Variants in STXBP6 observed in about 807,000 individuals in gnomAD.
The protein encoded by STXBP6 is syntaxin binding protein 6, also known as syntaxin-binding protein 6.
STXBP6 carries 21 observed loss-of-function variants against 26.9 expected under a neutral mutation model. The ratio of observed to expected loss-of-function variants is 0.78; its 90% CI spans 0.55 to 1.12. STXBP6 has a LOEUF of 1.12. Among genes scored for constraint, STXBP6 ranks in the 50% most tolerant of loss-of-function variants. The probability of loss-of-function intolerance (pLI) is 0.00; values close to 1 mark genes in which losing one functional copy is unlikely to be tolerated. For synonymous variants in STXBP6, 97 were observed against 92.6 expected (o/e 1.05, Z -0.27); for missense variants, 232 against 257.9 (o/e 0.90, Z 0.69).
intron 1 of STXBP6, among the ~76,000 whole-genome samples, chr14:25,016,459 T>C (rs2075150046): frequency 6.6e-6 from 1 of 152,204 alleles, no homozygotes. Context: ...AGAGTGAGTA[T>C]TTCCTGGCCT....
At chr14:24,936,628 G>A (rs189947138) in intron 2 of STXBP6, among the ~76,000 whole-genome samples, 290 of 152,264 alleles carry the variant, frequency 1.9e-3, no homozygotes, top group Non-Finnish European at 1.7e-3. Context: ...AGAGACCCAT[G>A]AGGAATTGCC....
At chr14:24,911,127 C>T (rs2139721842) in intron 2 of STXBP6, among the ~76,000 whole-genome samples, 1 of 152,146 alleles carries the variant, frequency 6.6e-6, no homozygotes, top group South Asian at 2.1e-4. Context: ...GACTTTGAGA[C>T]CAACCTGGGC....
rs751316069 is a variant in STXBP6, at chr14:24,909,049, CTG to C, written c.155-51894_155-51893del. On this transcript the variant is annotated intron_variant, in intron 2 of 5. Transcript: ENST00000323944. ...AATACATCAAACCATATTTACATTT[CTG>C]TGTTATCTTTAGGGATAAGCAGGAA... 2.0e-5 allele frequency among the ~76,000 whole-genome samples: 3 copies of C among 152,228 alleles called. No individual in the cohort carries two copies. The South Asian group carries it at 6.2e-4, about 32-fold the overall frequency.
At chr14:24,889,644 T>C (rs2139515633) in intron 2 of STXBP6, among the ~76,000 whole-genome samples, 1 of 152,130 alleles carries the variant, frequency 6.6e-6, no homozygotes, top group East Asian at 1.9e-4. Flanking sequence ...TATGTGTGTG[T>C]ATGAATTTGT....
intron 2 of STXBP6, chr14:24,878,800 A>G (rs1434444909): frequency 4.4e-6 from 2 of 453,180 alleles, no homozygotes; most frequent in Non-Finnish European, 8.9e-6. Flanking sequence ...TCTCCTTTGA[A>G]GCTGACTTGA....
intron 2 of STXBP6, among the ~76,000 whole-genome samples, chr14:24,939,788 T>C (rs370264331): frequency 2.6e-5 from 4 of 152,348 alleles, no homozygotes; most frequent in East Asian, 1.9e-4. Flanking sequence ...ATTGAGTTAT[T>C]TTACATTTTT....
chr14:24,931,061 A>G (rs1439218063), intron 2 of STXBP6, among the ~76,000 whole-genome samples: 1 of 128,024 alleles, frequency 7.8e-6, no homozygotes, highest in East Asian at 2.6e-4. Context: ...CAGTGAGCCG[A>G]GATTGCGCCA....
chr14:24,865,704 C>A (rs1398324633), intron 2 of STXBP6, among the ~76,000 whole-genome samples: 1 of 152,144 alleles, frequency 6.6e-6, no homozygotes, highest in Non-Finnish European at 1.5e-5. Flanking sequence ...GATAAAAGTC[C>A]TGCTTCATTA....
intron 1 of STXBP6, among the ~76,000 whole-genome samples, chr14:25,044,589 A>AT (rs1436484493): frequency 6.6e-6 from 1 of 152,156 alleles, no homozygotes; most frequent in African/African-American, 2.4e-5. Context: ...CTCATCTGCT[A>AT]TTTCAACGAA....
At chr14:25,009,456 C>T (rs1008360069) in intron 1 of STXBP6, among the ~76,000 whole-genome samples, 1 of 152,132 alleles carries the variant, frequency 6.6e-6, no homozygotes, top group Non-Finnish European at 1.5e-5. Context: ...AACCAAAATA[C>T]ATTTCCTTCC....
At chr14:24,866,791 A>G (rs559674187) in intron 2 of STXBP6, among the ~76,000 whole-genome samples, 8 of 151,658 alleles carry the variant, frequency 5.3e-5, no homozygotes, top group Middle Eastern at 3.4e-3. Flanking sequence ...TACCATGGTA[A>G]TGGGTCAGAA....
chr14:24,880,083 T>A (rs574442299), intron 2 of STXBP6, among the ~76,000 whole-genome samples: 1 of 152,234 alleles, frequency 6.6e-6, no homozygotes, highest in Non-Finnish European at 1.5e-5. Flanking sequence ...GACTAAGATA[T>A]GACATTAGTT....
In STXBP6 at chr14:24,939,088, A is replaced by G. The variant is rs181518159; in HGVS notation, c.154+35577T>C. On this transcript the variant is annotated intron_variant, in intron 2 of 5. Coordinates refer to ENST00000323944, the MANE Select transcript of STXBP6 (RefSeq NM_001394410.1). ...AGAATTCAATGAAAAGAAATTAATC[A>G]TATTGCATTTATTTGCTTTTGTCTG... 7.9e-5 allele frequency among the ~76,000 whole-genome samples: 12 copies of G among 152,340 alleles called. No homozygotes were observed. The East Asian group carries it at 2.1e-3, about 27-fold the overall frequency.
At chr14:25,040,503 T>C (rs2075626002) in intron 1 of STXBP6, among the ~76,000 whole-genome samples, 1 of 152,198 alleles carries the variant, frequency 6.6e-6, no homozygotes, top group Admixed American at 6.5e-5. Context: ...TCTGAGAGTG[T>C]GTTGTAGGAT....
chr14:24,842,075 G>A (rs1171157115), intron 4 of STXBP6, among the ~76,000 whole-genome samples: 3 of 152,126 alleles, frequency 2.0e-5, no homozygotes, highest in African/African-American at 7.2e-5. Context: ...TTAAAGTAAT[G>A]GTCTGAGGCT....
At chr14:24,840,071 A>G (rs551495085) in intron 4 of STXBP6, among the ~76,000 whole-genome samples, 1 of 152,246 alleles carries the variant, frequency 6.6e-6, no homozygotes, top group African/African-American at 2.4e-5. Context: ...AATCCTCCCC[A>G]CAGTACTGTA....
intron 1 of STXBP6, among the ~76,000 whole-genome samples, chr14:24,975,446 T>C (rs1030079724): frequency 2.0e-5 from 3 of 152,224 alleles, no homozygotes; most frequent in Non-Finnish European, 4.4e-5. Flanking sequence ...CTTCTCCCAA[T>C]GGGTTCTAGT....
At chr14:24,987,818 A>T in intron 1 of STXBP6, 1 of 985,004 alleles carries the variant, frequency 1.0e-6, no homozygotes, top group Non-Finnish European at 1.2e-6. Context: ...ACATATTCTT[A>T]AAAAGGAGAA....
At chr14:24,956,615 A>C (rs1050781944) in intron 2 of STXBP6, among the ~76,000 whole-genome samples, 1 of 152,278 alleles carries the variant, frequency 6.6e-6, no homozygotes, top group Non-Finnish European at 1.5e-5. Context: ...GCTGGGGTTT[A>C]AGACTCTCCA....
Sources: allele counts gnomAD v4.1 joint callset (sites outside exome capture counted in the v4.1 genomes callset), GRCh38; gene constraint gnomAD v4.1.1; transcripts MANE v1.5; gene names NCBI Gene and HGNC (gene_info 2026-07-23, HGNC 2026-07-21).